Variants in COL5A3 observed in about 807,000 individuals in gnomAD.
COL5A3 encodes collagen alpha-3(V) chain.
Under a neutral mutation model 250.0 loss-of-function variants are expected in COL5A3, and 172 were observed. That is an observed-to-expected ratio of 0.69 (90% CI 0.61 to 0.78). COL5A3 has a LOEUF of 0.78. Ranked by LOEUF, COL5A3 falls within the 30% of genes least tolerant of loss-of-function variation. The pLI is 0.00. For synonymous variants in COL5A3, 937 were observed against 900.4 expected, an observed-to-expected ratio of 1.04 and a Z score of -0.73; for missense variants, 2,340 against 2,334.4, an observed-to-expected ratio of 1.00 and a Z score of -0.05.
At position 10,009,560 on chromosome 19, in the gene COL5A3, C is replaced by A. The variant is rs985601605; in HGVS notation, c.88+738G>T. ...CCCCGTCTCGCCCCTCACCGCGGCC[C>A]TCCCCGAAGCCCTGTCCATGGTGCT... is the stretch of plus-strand genomic sequence containing the variant. On this transcript the variant is annotated intron_variant, in intron 1 of 66. Coordinates refer to ENST00000264828, the MANE Select transcript of COL5A3 (RefSeq NM_015719.4). The surrounding 1 kb of genome is among the most constrained non-coding windows in gnomAD (Gnocchi z 4.4). 2.0e-5 allele frequency among the ~76,000 whole-genome samples: 3 copies of A among 152,058 alleles called. No individual in the cohort carries two copies. Among genetic ancestry groups the A allele is most frequent in the Non-Finnish European group, 4.4e-5 (3 of 68,002 alleles).
In COL5A3 at chr19:9,966,698, G is replaced by C. The variant is rs2086752270; in HGVS notation, c.4507C>G (p.Pro1503Ala). Residue 1503 changes from proline (P) to alanine (A), a missense_variant, in exon 63 of 67, where the codon CCA (proline) becomes GCA (alanine). By Grantham distance (27) the Pro-to-Ala change is conservative. Transcript: ENST00000264828. ...HGLRRRRRFV[P>A]VPLPVVEGGL... ...CCCTCCACGACTGGAAGCGGGACTG[G>C]GACGAAGCGCCGGCGCCTGCGCAGC... is the stretch of plus-strand genomic sequence containing the variant. 2.6e-6 allele frequency: 4 copies of C among 1,538,186 alleles called. No individual in the cohort carries two copies.
In COL5A3 at chr19:9,968,750, G is replaced by A. The variant is rs1447679849; in HGVS notation, c.4153-22C>T. ...GCCCCTGGGAGAAGAGCAAGGGTCAGTTAGGGATTCTCAAATGTGAACTCG... is the reference window on the plus strand; with the variant it reads ...GCCCCTGGGAGAAGAGCAAGGGTCAATTAGGGATTCTCAAATGTGAACTCG... On this transcript the variant is annotated intron_variant, in intron 57 of 66. Transcript: ENST00000264828. This position sits in a 1 kb window ranked among gnomAD's most constrained non-coding sequence, Gnocchi z 4.1. 1 of 1,603,486 alleles carries A rather than the reference G, an allele frequency of 6.2e-7. No individual in the cohort carries two copies. The highest frequency in any genetic ancestry group is 1.7e-5 in the Admixed American group (1 of 57,582).
chr19:9,979,036 A>G (rs1169073950), intron 39 of COL5A3, 56 bp from the exon 40 acceptor site: 5 of 1,474,204 alleles, frequency 3.4e-6, no homozygotes, highest in Non-Finnish European at 4.6e-6. Flanking sequence ...TCTCCCTCCA[A>G]TCTGTGACTC....
At chr19:10,001,497 C>G (rs1269996839) in intron 8 of COL5A3, 27 bp downstream of exon 8, 1 of 1,611,500 alleles carries the variant, frequency 6.2e-7, no homozygotes. Flanking sequence ...CTCTCTTGCA[C>G]CTAACCCCAG....
At chr19:9,970,191 T>G (rs369556300) in intron 54 of COL5A3, among the ~76,000 whole-genome samples, 31 of 8,300 alleles carry the variant, frequency 3.7e-3, no homozygotes, top group Admixed American at 0.01. Context: ...GTGAGTGGGG[T>G]CTGTGGGTGA....
intron 21 of COL5A3, among the ~76,000 whole-genome samples, chr19:9,992,544 C>T (rs1377028831): frequency 6.6e-6 from 1 of 152,040 alleles, no homozygotes; most frequent in Non-Finnish European, 1.5e-5. Flanking sequence ...AATCCCAGCA[C>T]TTTGGGAGGA....
Position 10,005,821 on chromosome 19 carries a change from G to C in COL5A3, c.412C>G (p.Gln138Glu). The C allele has an allele frequency of 1.2e-6, 2 of 1,612,502 alleles. No homozygotes were observed. Among genetic ancestry groups the C allele is most frequent in the Non-Finnish European group, 1.7e-6 (2 of 1,179,256 alleles). ...LLGDPFRPLPQQVNLTDGRWH... is the reference protein window; with the variant it reads ...LLGDPFRPLPEQVNLTDGRWH... ...CTGCCATCTGTGAGGTTGACCTGCT[G>C]GGGGAGGGGGCGGAAGGGGTCACCT... is the stretch of plus-strand genomic sequence containing the variant. The change falls in exon 3 of 67, where the codon CAG becomes GAG. Residue 138 changes from glutamine (Q) to glutamate (E), a missense_variant. By Grantham distance (29) the Gln-to-Glu change is conservative (BLOSUM62 2). Around this residue, in one of 3 missense-constraint regions of COL5A3, gnomAD observed 1,152 missense variants for 1,146.3 expected, o/e 1.00. Coordinates refer to ENST00000264828, the MANE Select transcript of COL5A3 (RefSeq NM_015719.4).
chr19:9,968,858 G>A lies in COL5A3; in HGVS notation c.4153-130C>T. 1 of 833,724 alleles carries A rather than the reference G, an allele frequency of 1.2e-6. No individual in the cohort carries two copies. Among genetic ancestry groups the A allele is most frequent in the East Asian group, 2.7e-5 (1 of 37,670 alleles). The allele number at this position is 833,724 out of a possible 1,614,324, so 51.6% of individuals were successfully genotyped here. On this transcript the variant is annotated intron_variant, in intron 57 of 66. Coordinates refer to ENST00000264828, the MANE Select transcript of COL5A3 (RefSeq NM_015719.4). The surrounding 1 kb of genome is among the most constrained non-coding windows in gnomAD (Gnocchi z 4.1). ...GGAATTACCAGGGATGAGGTCAAGG[G>A]ATGGTCAGAGTAGGCCACCAAGGTG...
intron 1 of COL5A3, 134 bp from the exon 2 acceptor site, chr19:10,006,365 C>T: frequency 1.1e-6 from 1 of 892,140 alleles, no homozygotes; most frequent in Non-Finnish European, 1.6e-6. Context: ...GTTTGTGGCT[C>T]AGGAAGAAGG....
Position 9,961,759 on chromosome 19 carries a change from C to T in COL5A3, c.4852-869G>A, listed in dbSNP as rs536865704. Among the ~76,000 whole-genome samples, 60 of 152,098 alleles carry T rather than the reference C, an allele frequency of 3.9e-4. No individual in the cohort carries two copies. The East Asian group carries it at 7.7e-3, about 20-fold the overall frequency. On this transcript the variant is annotated intron_variant, in intron 65 of 66. Coordinates refer to ENST00000264828, the MANE Select transcript of COL5A3 (RefSeq NM_015719.4). Reference sequence around the variant, plus strand: ...ATTTTTAGTAGAGACGGGGTTTCACCATGTTAGCCAGGATGGTCTCGATCT... The same window carrying T: ...ATTTTTAGTAGAGACGGGGTTTCACTATGTTAGCCAGGATGGTCTCGATCT...
rs753698821 is a variant in COL5A3 at position 10,001,920 on chromosome 19, G to A, written c.850-39C>T. 30 of 1,468,224 alleles carry A rather than the reference G, an allele frequency of 2.0e-5. No homozygotes were observed. In the South Asian group the frequency reaches 3.3e-4, roughly 16 times the overall value. 90.9% of individuals were successfully genotyped at this position (1,468,224 alleles called of 1,614,324 possible). ...GGAGGGAGCCTTGGGTCTCGGGTGA[G>A]GGCAATCAAGACAAAAGGGAGGCAC... On this transcript the variant is annotated intron_variant, in intron 6 of 66. Transcript: ENST00000264828.
rs774313267 is a variant in COL5A3 at position 10,004,062 on chromosome 19, G to A, written c.678C>T (p.Asn226=). The stretch of plus-strand genomic sequence containing the variant: ...TCACCACTGTGGCTGCCGGTGCCAG[G>A]TTGTCACAGTCGGGGAGGTACCGCT... The part of the protein sequence containing the change: ...ACERYLPDCD[N]LAPAATVAPQ... Residue 226 remains asparagine, a synonymous_variant, in exon 5 of 67, where the codon AAC becomes AAT. Coordinates refer to ENST00000264828, the MANE Select transcript of COL5A3 (RefSeq NM_015719.4). 6.2e-7 allele frequency: 1 copy of A among 1,613,914 alleles called. No homozygotes were observed. The highest frequency in any genetic ancestry group is 8.5e-7 in the Non-Finnish European group (1 of 1,179,808).
At chr19:9,988,261 A>G (rs2087127715) in intron 27 of COL5A3, among the ~76,000 whole-genome samples, 1 of 152,110 alleles carries the variant, frequency 6.6e-6, no homozygotes, top group Admixed American at 6.5e-5. Flanking sequence ...AAAGATTAAA[A>G]ATGTAATTAT....
intron 1 of COL5A3, among the ~76,000 whole-genome samples, chr19:10,008,135 A>G (rs762981063): frequency 6.6e-6 from 1 of 152,028 alleles, no homozygotes; most frequent in Non-Finnish European, 1.5e-5. Flanking sequence ...CCACGGAACA[A>G]TCATCCCAGC....
intron 31 of COL5A3, among the ~76,000 whole-genome samples, chr19:9,984,579 A>G (rs985151063): frequency 2.0e-5 from 3 of 152,196 alleles, no homozygotes; most frequent in Non-Finnish European, 2.9e-5. Context: ...TTGTTGGTGA[A>G]TGAAACTTAA....
At chr19:9,960,958 T>C (rs918542) in intron 65 of COL5A3, 68 bp from the exon 66 acceptor site, 972,692 of 1,569,190 alleles carry the variant, frequency 0.62, 305,711 homozygotes, top group African/African-American at 0.91. Context: ...AGCCACCCCC[T>C]GGAATCTCCA....
At position 9,979,870 on chromosome 19, in the gene COL5A3, C is replaced by T. The variant is rs773833887; in HGVS notation, c.2681G>A (p.Arg894Gln). 30 of 1,575,922 alleles carry T rather than the reference C, an allele frequency of 1.9e-5. No homozygotes were observed. Among genetic ancestry groups the T allele is most frequent in the East Asian group, 1.8e-4 (8 of 44,516 alleles). Residue 894 changes from arginine to glutamine, a missense_variant, in exon 37 of 67, where the codon CGA (arginine) becomes CAA (glutamine). Arg to Gln is a conservative substitution (Grantham distance 43, BLOSUM62 1). Transcript: ENST00000264828. Reference sequence around the variant, plus strand: ...TCCTCTCTGTCCAGGGTGCCCTGGTCGCCCATCTTTACCTTGGTGACCCTG... The same window carrying T: ...TCCTCTCTGTCCAGGGTGCCCTGGTTGCCCATCTTTACCTTGGTGACCCTG... ...GPPGHQGKDG[R>Q]PGHPGQRGEL...
At chr19:9,999,006 T>TTTTC (rs371671435) in intron 8 of COL5A3, among the ~76,000 whole-genome samples, 9,521 of 129,162 alleles carry the variant, frequency 0.074, 600 homozygotes, top group African/African-American at 0.17. Context: ...CCTTTCTTTC[T>TTTTC]TTTCTTTCTT....
chr19:9,998,323 C>G (rs901452019), intron 8 of COL5A3, among the ~76,000 whole-genome samples, 174 bp from the exon 9 acceptor site: 4 of 152,108 alleles, frequency 2.6e-5, no homozygotes, highest in Non-Finnish European at 4.4e-5. Flanking sequence ...CTCAGCCCCC[C>G]GCATCCACCG....
Sources: gnomAD v4.1 joint callset for allele counts (sites outside exome capture counted in the v4.1 genomes callset) on GRCh38, gnomAD v4.1.1 for gene constraint, gnomAD v4.1.1 regional missense constraint, Gnocchi (gnomAD v3.1) non-coding constraint, MANE v1.5 for transcripts, NCBI Gene and HGNC (gene_info 2026-07-23, HGNC 2026-07-21) for gene names.